FCHO2: variants seen among roughly 807,000 people sequenced by gnomAD.
FCHO2 encodes F-BAR domain only protein 2.
Under a neutral mutation model 114.1 loss-of-function variants are expected in FCHO2, and 43 were observed. That is an observed-to-expected ratio of 0.38 (90% CI 0.30 to 0.49). The LOEUF (loss-of-function observed/expected upper bound fraction) is 0.49. Among genes scored for constraint, FCHO2 ranks in the 20% least tolerant of loss-of-function variants. The pLI is 0.97. For synonymous variants in FCHO2, 293 were observed against 315.2 expected (o/e 0.93, Z 0.75); for missense variants, 807 against 950.4 (o/e 0.85, Z 1.98).
Position 73,089,784 on chromosome 5 carries a change from A to T in FCHO2, c.*1694A>T, listed in dbSNP as rs937917823. ...TCTTGCTGTACTAAATACAGCAGAA[A>T]ATCTACTCTTTAGCAATATATAACA... On this transcript the variant is annotated 3_prime_UTR_variant, in exon 26 of 26. Transcript: ENST00000430046. 1 of 152,560 alleles carries T rather than the reference A, an allele frequency of 6.6e-6. No homozygotes were observed. Among genetic ancestry groups the T allele is most frequent in the Non-Finnish European group, 1.5e-5 (1 of 67,964 alleles). The allele number at this position is 152,560 out of a possible 1,614,324, so 9.5% of individuals were successfully genotyped here.
intron 10 of FCHO2, among the ~76,000 whole-genome samples, chr5:73,039,864 G>C (rs187399483): frequency 6.6e-6 from 1 of 151,248 alleles, no homozygotes; most frequent in Non-Finnish European, 1.5e-5. Flanking sequence ...GAAGGCCGAA[G>C]TTGCAGTGAG....
At chr5:73,073,492 A>T (rs1056366075) in intron 19 of FCHO2, among the ~76,000 whole-genome samples, 2 of 151,994 alleles carry the variant, frequency 1.3e-5, no homozygotes, top group African/African-American at 4.8e-5. Context: ...CATTTTTTTT[A>T]AATGTCCCCC....
At chr5:72,981,962 TCATTCTC>T (rs1753235465) in intron 2 of FCHO2, among the ~76,000 whole-genome samples, 1 of 152,224 alleles carries the variant, frequency 6.6e-6, no homozygotes, top group Non-Finnish European at 1.5e-5. Context: ...TTTGTCAAAC[TCATTCTC>T]CATCCAGTTT....
chr5:72,964,803 C>T (rs1406903030), intron 1 of FCHO2, among the ~76,000 whole-genome samples: 2 of 152,150 alleles, frequency 1.3e-5, no homozygotes, highest in Non-Finnish European at 2.9e-5. Context: ...TCTCCCCATC[C>T]ATAATTTCAC....
intron 5 of FCHO2, among the ~76,000 whole-genome samples, chr5:72,991,127 C>T (rs554756417): frequency 3.3e-5 from 5 of 152,230 alleles, no homozygotes; most frequent in South Asian, 2.1e-4. Flanking sequence ...TGCAGTGGCG[C>T]GATCTTGGCT....
intron 5 of FCHO2, among the ~76,000 whole-genome samples, chr5:72,995,037 C>A (rs1754009391): frequency 6.6e-6 from 1 of 152,068 alleles, no homozygotes; most frequent in Non-Finnish European, 1.5e-5. Flanking sequence ...CTGGATGACG[C>A]ATAAGCTGTG....
At chr5:73,021,985 A>T (rs1326772287) in intron 8 of FCHO2, among the ~76,000 whole-genome samples, 1 of 152,190 alleles carries the variant, frequency 6.6e-6, no homozygotes, top group Non-Finnish European at 1.5e-5. Flanking sequence ...TTTACAGATG[A>T]GGGAAATGTT....
intron 18 of FCHO2, among the ~76,000 whole-genome samples, chr5:73,066,316 C>T (rs998031563): frequency 5.9e-5 from 9 of 151,794 alleles, no homozygotes; most frequent in Non-Finnish European, 8.8e-5. Context: ...TCTTCTACAC[C>T]GTTGTCAGAA....
At chr5:72,987,944 T>G (rs1249698449) in intron 2 of FCHO2, among the ~76,000 whole-genome samples, 1 of 152,108 alleles carries the variant, frequency 6.6e-6, no homozygotes, top group Admixed American at 6.6e-5. Context: ...TTAATTATGT[T>G]TGGGGCAGTT....
At chr5:73,026,733 C>T (rs1256648384) in intron 8 of FCHO2, among the ~76,000 whole-genome samples, 4 of 151,962 alleles carry the variant, frequency 2.6e-5, no homozygotes, top group Admixed American at 1.3e-4. Context: ...TTCTGTTGCC[C>T]AGTCTGGAGT....
At chr5:72,996,967 C>T (rs1366180756) in intron 5 of FCHO2, 7 of 1,607,390 alleles carry the variant, frequency 4.4e-6, no homozygotes, top group East Asian at 2.2e-5. Context: ...TCGTGGCCTT[C>T]GCCGCCAAGC....
At chr5:73,087,550 A>AT in intron 24 of FCHO2, 39 bp from the exon 25 acceptor site, 1 of 1,602,426 alleles carries the variant, frequency 6.2e-7, no homozygotes, top group South Asian at 1.1e-5. Flanking sequence ...TTTGAAATGT[A>AT]TTTTACCCTG....
At chr5:73,043,438 T>C (rs973285555) in intron 11 of FCHO2, among the ~76,000 whole-genome samples, 1 of 152,134 alleles carries the variant, frequency 6.6e-6, no homozygotes, top group African/African-American at 2.4e-5. Context: ...TGTATTAGTG[T>C]GTATATGTGT....
intron 8 of FCHO2, among the ~76,000 whole-genome samples, chr5:73,028,077 C>G (rs1756037182): frequency 6.6e-6 from 1 of 152,066 alleles, no homozygotes; most frequent in Non-Finnish European, 1.5e-5. Context: ...CACCTGTAGT[C>G]TTAGCTACTT....
intron 2 of FCHO2, 93 bp downstream of exon 2, chr5:72,968,682 G>A (rs1213250700): frequency 2.3e-6 from 2 of 870,606 alleles, no homozygotes; most frequent in East Asian, 3.2e-5. Flanking sequence ...ATTTGGATTT[G>A]GAATAAAGTA....
intron 8 of FCHO2, among the ~76,000 whole-genome samples, chr5:73,024,341 T>C (rs1374967775): frequency 6.6e-6 from 1 of 152,160 alleles, no homozygotes; most frequent in African/African-American, 2.4e-5. Flanking sequence ...GGATTACAGG[T>C]GTGAGCCACT....
intron 5 of FCHO2, among the ~76,000 whole-genome samples, chr5:73,003,158 C>T (rs1754535824): frequency 6.6e-6 from 1 of 151,958 alleles, no homozygotes; most frequent in African/African-American, 2.4e-5. Flanking sequence ...GTGTGTGTCA[C>T]TGTGCCTGGA....
At chr5:73,017,473 A>C (rs1305837561) in intron 8 of FCHO2, among the ~76,000 whole-genome samples, 165 bp downstream of exon 8, 1 of 152,180 alleles carries the variant, frequency 6.6e-6, no homozygotes, top group Admixed American at 6.5e-5. Flanking sequence ...CAAAAAATGG[A>C]GTATACCTAA....
At chr5:73,060,042 C>T (rs1388221693) in intron 17 of FCHO2, among the ~76,000 whole-genome samples, 1 of 151,708 alleles carries the variant, frequency 6.6e-6, no homozygotes, top group Non-Finnish European at 1.5e-5. Flanking sequence ...CTTTATAATT[C>T]TGCTCATTGT....
Sources: allele counts gnomAD v4.1 joint callset (sites outside exome capture counted in the v4.1 genomes callset), GRCh38; gene constraint gnomAD v4.1.1; transcripts MANE v1.5; gene names NCBI Gene and HGNC (gene_info 2026-07-23, HGNC 2026-07-21).